The following WFDC13 variants were observed in gnomAD, a reference collection of about 807,000 sequenced individuals.
WFDC13 encodes WAP four-disulfide core domain protein 13.
In WFDC13, 6 loss-of-function variants were observed where a neutral mutation model predicts 10.9. The ratio of observed to expected loss-of-function variants is 0.55; its 90% CI spans 0.30 to 1.09. The LOEUF (loss-of-function observed/expected upper bound fraction) is 1.09. WFDC13 is among the 50% of genes least tolerant of loss of function. The probability of loss-of-function intolerance (pLI) is 0.06; values close to 1 mark genes in which losing one functional copy is unlikely to be tolerated. For synonymous variants in WFDC13, 38 were observed against 39.5 expected (o/e 0.96, Z 0.14); for missense variants, 104 against 109.6 (o/e 0.95, Z 0.23).
rs1329267550 is a variant in WFDC13, at chr20:45,706,057, C to T, written c.*22+130C>T. 1.6e-5 allele frequency: 12 copies of T among 736,008 alleles called. No individual in the cohort carries two copies. In the South Asian group the frequency reaches 1.7e-4, roughly 10 times the overall value. The allele number at this position is 736,008 out of a possible 1,614,324, so 45.6% of individuals were successfully genotyped here. ...ATGGCCTCTCATTACCTGATTGCCT[C>T]CTCCTCCATCATTCCCCTCCAAGGG... is the stretch of plus-strand genomic sequence containing the variant. On this transcript the variant is annotated intron_variant, in intron 3 of 3. Transcript: ENST00000305479.
intron 1 of WFDC13, 104 bp downstream of exon 1, chr20:45,702,315 G>A: frequency 2.5e-6 from 3 of 1,179,594 alleles, no homozygotes; most frequent in Non-Finnish European, 2.4e-6. Context: ...ACCGTGTCAT[G>A]TTCAAGGGCC....
chr20:45,704,838 C>T (rs1984325589), intron 2 of WFDC13: 1 of 1,484,440 alleles, frequency 6.7e-7, no homozygotes, highest in African/African-American at 1.4e-5. Flanking sequence ...GACTCTGCCT[C>T]TCTGAACACA....
intron 3 of WFDC13, among the ~76,000 whole-genome samples, 183 bp downstream of exon 3, chr20:45,706,110 C>T (rs1042712378): frequency 7.2e-5 from 11 of 152,118 alleles, no homozygotes; most frequent in African/African-American, 2.7e-4. Flanking sequence ...GGGGGAGGCA[C>T]GGTGCAGTCC....
At position 45,708,497 on chromosome 20, in the gene WFDC13, A is replaced by G. The variant is rs577235859; in HGVS notation, c.*662A>G. 8 of 152,356 alleles carry G rather than the reference A, an allele frequency of 5.3e-5. No individual in the cohort carries two copies. Among genetic ancestry groups the G allele is most frequent in the Non-Finnish European group, 1.2e-4 (8 of 68,036 alleles). The allele number at this position is 152,356 out of a possible 1,614,324, so 9.4% of individuals were successfully genotyped here. On this transcript the variant is annotated 3_prime_UTR_variant, in exon 4 of 4. Transcript: ENST00000305479. ...ACATGACAGTGTGGCATTACTGATAAGTTATGGAAATGGAAATAATCTTTC... is the reference window on the plus strand; with the variant it reads ...ACATGACAGTGTGGCATTACTGATAGGTTATGGAAATGGAAATAATCTTTC...
chr20:45,707,047 C>G (rs12480142), intron 3 of WFDC13, among the ~76,000 whole-genome samples: 2 of 152,220 alleles, frequency 1.3e-5, no homozygotes, highest in Non-Finnish European at 2.9e-5. Flanking sequence ...TAAATAGTAG[C>G]AGGTGGAGGC....
intron 2 of WFDC13, among the ~76,000 whole-genome samples, chr20:45,705,389 C>T (rs1984351404): frequency 6.6e-6 from 1 of 152,164 alleles, no homozygotes; most frequent in East Asian, 1.9e-4. Context: ...AGATAATGTG[C>T]AGAGTGATTA....
In WFDC13 at chr20:45,708,711, A is replaced by G. The variant is rs888546590; in HGVS notation, c.*876A>G. On this transcript the variant is annotated 3_prime_UTR_variant, in exon 4 of 4. Transcript: ENST00000305479. ...TTTAAAATAATAATAATAAAGTGTT[A>G]TTTTCCTGGGATTCATGATATTTGA... is the stretch of plus-strand genomic sequence containing the variant. 12 of 152,090 alleles carry G rather than the reference A, an allele frequency of 7.9e-5. No homozygotes were observed. Among genetic ancestry groups the G allele is most frequent in the Admixed American group, 2.6e-4 (4 of 15,268 alleles). 9.4% of individuals were successfully genotyped at this position (152,090 alleles called of 1,614,324 possible).
intron 1 of WFDC13, among the ~76,000 whole-genome samples, chr20:45,703,569 A>G (rs1249666104): frequency 1.3e-5 from 2 of 152,188 alleles, no homozygotes; most frequent in African/African-American, 4.8e-5. Context: ...ACAAGGTACA[A>G]AAATTAGGAC....
At chr20:45,707,713 G>A (rs778200201) in intron 3 of WFDC13, 145 bp from the exon 4 acceptor site, 1 of 152,110 alleles carries the variant, frequency 6.6e-6, no homozygotes, top group African/African-American at 2.4e-5. Flanking sequence ...AAGTTTTTGG[G>A]GGCTATTTCT....
In WFDC13 at chr20:45,702,228, G is replaced by T; in HGVS notation, c.88+17G>T. 6.2e-7 allele frequency: 1 copy of T among 1,605,408 alleles called. No individual in the cohort carries two copies. The highest frequency in any genetic ancestry group is 8.5e-7 in the Non-Finnish European group (1 of 1,175,820). Reference sequence around the variant, plus strand: ...GTGTTCTGAGTAGGTGCTGGATCTGGGCCCAAGGAGGGAAGTAACATGTGT... The same window carrying T: ...GTGTTCTGAGTAGGTGCTGGATCTGTGCCCAAGGAGGGAAGTAACATGTGT... On this transcript the variant is annotated intron_variant, in intron 1 of 3. Coordinates refer to ENST00000305479, the MANE Select transcript of WFDC13 (RefSeq NM_172005.2).
chr20:45,705,833 T>G, intron 2 of WFDC13, 30 bp from the exon 3 acceptor site: 1 of 1,602,958 alleles, frequency 6.2e-7, no homozygotes, highest in Non-Finnish European at 8.5e-7. Context: ...ACTTCACTAG[T>G]TAATATTTGA....
In WFDC13 at chr20:45,704,595, G is replaced by A; in HGVS notation, c.239+1G>A. 6.2e-7 allele frequency: 1 copy of A among 1,613,780 alleles called. No individual in the cohort carries two copies. The highest frequency in any genetic ancestry group is 8.5e-7 in the Non-Finnish European group (1 of 1,179,868). On this transcript the variant is annotated splice_donor_variant, in intron 2 of 3. Transcript: ENST00000305479. LOFTEE classifies it high-confidence loss of function. The stretch of plus-strand genomic sequence containing the variant: ...CAGAAACATTTCAAAAGCGCAACAG[G>A]TAAGAGATATCTCATATCCAGGTCT...
At chr20:45,705,059 A>T in intron 2 of WFDC13, 1 of 1,487,870 alleles carries the variant, frequency 6.7e-7, no homozygotes, top group East Asian at 2.3e-5. Context: ...AATTGTCCAG[A>T]CATTAACACT....
rs1365738241 is a variant in WFDC13 at position 45,702,052 on chromosome 20, TCTC to T, written c.-68_-66del. 1.4e-6 allele frequency: 2 copies of T among 1,446,864 alleles called. No homozygotes were observed. The highest frequency in any genetic ancestry group is 9.5e-7 in the Non-Finnish European group (1 of 1,051,104). The allele number at this position is 1,446,864 out of a possible 1,614,324, so 89.6% of individuals were successfully genotyped here. A position where few individuals can be genotyped will look rare whatever the true frequency, so the allele number is the denominator to read the frequency against. Reference sequence around the variant, plus strand: ...TCCACTTTGCCCTCTTTCCTTCTCTTCTCCTCACAGCAGTGCCTGGTCAAACCC... The same window carrying T: ...TCCACTTTGCCCTCTTTCCTTCTCTTCTCACAGCAGTGCCTGGTCAAACCC... On this transcript the variant is annotated 5_prime_UTR_variant, in exon 1 of 4. Coordinates refer to ENST00000305479, the MANE Select transcript of WFDC13 (RefSeq NM_172005.2).
rs1373077836 is a variant in WFDC13 at position 45,702,060 on chromosome 20, C to T, written c.-64C>T. On this transcript the variant is annotated 5_prime_UTR_variant, in exon 1 of 4. Coordinates refer to ENST00000305479, the MANE Select transcript of WFDC13 (RefSeq NM_172005.2). ...GCCCTCTTTCCTTCTCTTCTCCTCA[C>T]AGCAGTGCCTGGTCAAACCCAGCAA... 3.3e-6 allele frequency: 5 copies of T among 1,494,472 alleles called. No individual in the cohort carries two copies. The highest frequency in any genetic ancestry group is 4.6e-6 in the Non-Finnish European group (5 of 1,089,628). The allele number at this position is 1,494,472 out of a possible 1,614,324, so 92.6% of individuals were successfully genotyped here.
At chr20:45,705,744 TG>T in intron 2 of WFDC13, 118 bp from the exon 3 acceptor site, 1 of 919,208 alleles carries the variant, frequency 1.1e-6, no homozygotes, top group Non-Finnish European at 1.6e-6. Flanking sequence ...GCCTTCCCTA[TG>T]GCAAGAGAAA....
Position 45,705,879 on chromosome 20 carries a change from T to C in WFDC13, c.256T>C (p.Ser86Pro), listed in dbSNP as rs1480759606. 6.2e-7 allele frequency: 1 copy of C among 1,614,028 alleles called. No homozygotes were observed. The highest frequency in any genetic ancestry group is 8.5e-7 in the Non-Finnish European group (1 of 1,179,976). ...CTTCTACAGAATCAAACACAAGGGC[T>C]CAGAAGTCATCATGCCTGCCAACTG... ...QKRNRIKHKG[S>P]EVIMPAN The change falls in exon 3 of 4, where the codon TCA becomes CCA. Residue 86 changes from serine (S) to proline (P), a missense_variant. Physicochemically the swap from Ser to Pro is moderately conservative, Grantham distance 74. Transcript: ENST00000305479.
At position 45,705,901 on chromosome 20, in the gene WFDC13, A is replaced by C. The variant is rs767912342; in HGVS notation, c.278A>C (p.Asn93Thr). The C allele has an allele frequency of 4.0e-5, 64 of 1,613,962 alleles. No homozygotes were observed. The highest frequency in any genetic ancestry group is 4.9e-5 in the Non-Finnish European group (58 of 1,179,994). ...GGCTCAGAAGTCATCATGCCTGCCA[A>C]CTGAGGCATATTTCCTAGATCATTT... ...HKGSEVIMPA[N>T] Residue 93 changes from asparagine (N) to threonine (T), a missense_variant, in exon 3 of 4, where the codon AAC becomes ACC. Coordinates refer to ENST00000305479, the MANE Select transcript of WFDC13 (RefSeq NM_172005.2).
At chr20:45,706,022 C>G in intron 3 of WFDC13, 95 bp downstream of exon 3, 1 of 1,087,428 alleles carries the variant, frequency 9.2e-7, no homozygotes, top group Non-Finnish European at 1.4e-6. Flanking sequence ...TACATTCCCA[C>G]AAGCTCAGAA....
Sources: gnomAD v4.1 joint callset for allele counts (sites outside exome capture counted in the v4.1 genomes callset) on GRCh38, gnomAD v4.1.1 for gene constraint, MANE v1.5 for transcripts, NCBI Gene and HGNC (gene_info 2026-07-23, HGNC 2026-07-21) for gene names.